Variants in ELMO1 observed in about 807,000 individuals in gnomAD.
ELMO1 encodes engulfment and cell motility protein 1.
Under a neutral mutation model 98.9 loss-of-function variants are expected in ELMO1, and 26 were observed. That is an observed-to-expected ratio of 0.26 (90% CI 0.19 to 0.36). The LOEUF is 0.36. Among genes scored for constraint, ELMO1 ranks in the 10% least tolerant of loss-of-function variants. The pLI is 1.00. For missense variants in ELMO1, 627 were observed against 935.2 expected, an observed-to-expected ratio of 0.67 and a Z score of 4.30; for synonymous variants, 346 against 346.0, an observed-to-expected ratio of 1.00 and a Z score of 0.00.
chr7:37,376,218 T>A (rs1802339159), intron 1 of ELMO1, among the ~76,000 whole-genome samples: 2 of 152,286 alleles, frequency 1.3e-5, no homozygotes, highest in Non-Finnish European at 2.9e-5. Flanking sequence ...TTAAACATTT[T>A]TCTAAATTGT....
At chr7:36,992,571 G>C (rs542811225) in intron 16 of ELMO1, among the ~76,000 whole-genome samples, 135 of 152,048 alleles carry the variant, frequency 8.9e-4, no homozygotes, top group Non-Finnish European at 1.6e-3. Flanking sequence ...GCAATATGGT[G>C]ACAAAAAGCG....
chr7:37,408,803 T>G (rs1583705196), intron 1 of ELMO1, among the ~76,000 whole-genome samples: 1 of 152,180 alleles, frequency 6.6e-6, no homozygotes, highest in African/African-American at 2.4e-5. Context: ...AGATTTCCAG[T>G]CACTCACAAT....
rs570148609 is a variant in ELMO1, at chr7:37,169,764, T to C, written c.1087-36530A>G. Among the ~76,000 whole-genome samples the C allele has an allele frequency of 7.2e-5, 11 of 152,316 alleles. No homozygotes were observed. In the South Asian group the frequency reaches 2.3e-3, roughly 32 times the overall value. ...AATGTGAAAACCCAATCATCACACT[T>C]AGGAACCAACAGGAAGAGCTTTTGC... On this transcript the variant is annotated intron_variant, in intron 13 of 21. Coordinates refer to ENST00000310758, the MANE Select transcript of ELMO1 (RefSeq NM_014800.11).
chr7:37,256,357 G>T (rs893184249), intron 6 of ELMO1, among the ~76,000 whole-genome samples: 1 of 152,008 alleles, frequency 6.6e-6, no homozygotes, highest in East Asian at 1.9e-4. Context: ...TTCACATTCA[G>T]TTCTAGGGAT....
intron 13 of ELMO1, among the ~76,000 whole-genome samples, chr7:37,183,720 CT>C (rs58558141): frequency 1.3e-5 from 2 of 150,768 alleles, no homozygotes; most frequent in African/African-American, 2.4e-5. Flanking sequence ...ATATTCCAGA[CT>C]TTTTTTTTCT....
At chr7:37,441,432 C>T (rs1288546890) in intron 1 of ELMO1, among the ~76,000 whole-genome samples, 2 of 152,172 alleles carry the variant, frequency 1.3e-5, no homozygotes, top group African/African-American at 4.8e-5. Flanking sequence ...ACCTTGAAGG[C>T]TTCTCCCTGA....
intron 4 of ELMO1, among the ~76,000 whole-genome samples, chr7:37,314,305 A>G (rs1021740690): frequency 6.6e-6 from 1 of 152,146 alleles, no homozygotes; most frequent in African/African-American, 2.4e-5. Flanking sequence ...GATCTTGTAC[A>G]TATTAATTTT....
At chr7:37,401,111 A>C (rs1803509861) in intron 1 of ELMO1, among the ~76,000 whole-genome samples, 1 of 152,186 alleles carries the variant, frequency 6.6e-6, no homozygotes, top group Non-Finnish European at 1.5e-5. Flanking sequence ...AGTGAAGGTA[A>C]GCTTGTCCAG....
chr7:36,877,088 G>A (rs1258144307), intron 19 of ELMO1, among the ~76,000 whole-genome samples: 1 of 152,200 alleles, frequency 6.6e-6, no homozygotes, highest in African/African-American at 2.4e-5. Flanking sequence ...TGTGAGGAAG[G>A]TAATCCAGAT....
At chr7:37,397,501 C>T (rs2131443829) in intron 1 of ELMO1, among the ~76,000 whole-genome samples, 1 of 152,300 alleles carries the variant, frequency 6.6e-6, no homozygotes, top group South Asian at 2.1e-4. Context: ...TGTGAAGATG[C>T]AGCTGGACCC....
intron 16 of ELMO1, among the ~76,000 whole-genome samples, chr7:36,947,994 A>G (rs184538489): frequency 1.3e-3 from 205 of 152,346 alleles, no homozygotes; most frequent in African/African-American, 4.7e-3. Context: ...CTTGTCTATC[A>G]TAGACACAGT....
chr7:37,041,840 C>A (rs530219639), intron 15 of ELMO1, among the ~76,000 whole-genome samples: 74 of 152,094 alleles, frequency 4.9e-4, no homozygotes, highest in Non-Finnish European at 9.3e-4. Flanking sequence ...CTGAGTTGCA[C>A]CAAAGTGGAC....
chr7:37,187,379 G>A (rs1333187291), intron 13 of ELMO1, among the ~76,000 whole-genome samples: 2 of 152,064 alleles, frequency 1.3e-5, no homozygotes, highest in Non-Finnish European at 2.9e-5. Context: ...CTTTGGTGAT[G>A]GCTTTACAAC....
At chr7:37,431,108 A>T (rs1230265335) in intron 1 of ELMO1, among the ~76,000 whole-genome samples, 1 of 152,234 alleles carries the variant, frequency 6.6e-6, no homozygotes, top group Admixed American at 6.5e-5. Context: ...AGGCCAAAGC[A>T]GGAGGTTAAC....
chr7:37,158,811 C>A (rs1419535253), intron 13 of ELMO1, among the ~76,000 whole-genome samples: 2 of 152,118 alleles, frequency 1.3e-5, no homozygotes, highest in Admixed American at 1.3e-4. Flanking sequence ...TGGGTATATA[C>A]CCAAAGGATT....
intron 1 of ELMO1, chr7:37,353,687 C>G (rs1202080221): frequency 6.6e-6 from 1 of 152,176 alleles, no homozygotes; most frequent in Non-Finnish European, 1.5e-5. Context: ...CTGGCCCCAC[C>G]CACACATCCT....
intron 1 of ELMO1, among the ~76,000 whole-genome samples, chr7:37,447,657 ACT>A (rs1491052435): frequency 2.1e-5 from 3 of 145,828 alleles, no homozygotes; most frequent in Non-Finnish European, 3.0e-5. Flanking sequence ...ACACACACAC[ACT>A]CACACACACA....
chr7:37,227,617 C>T (rs1793940121), intron 8 of ELMO1, among the ~76,000 whole-genome samples: 1 of 152,148 alleles, frequency 6.6e-6, no homozygotes. Context: ...AACTCCTGAC[C>T]TCAAGTAATC....
chr7:36,859,169 A>G (rs901958007), intron 21 of ELMO1, among the ~76,000 whole-genome samples: 11 of 152,224 alleles, frequency 7.2e-5, no homozygotes, highest in African/African-American at 2.7e-4. Context: ...ACTGCAATGC[A>G]TGGATCTTAT....
Sources: allele counts gnomAD v4.1 joint callset (sites outside exome capture counted in the v4.1 genomes callset), GRCh38; gene constraint gnomAD v4.1.1; transcripts MANE v1.5; gene names NCBI Gene and HGNC (gene_info 2026-07-23, HGNC 2026-07-21).